The following MAGI3 variants were observed in gnomAD, a reference collection of about 807,000 sequenced individuals.
MAGI3 encodes the protein membrane-associated guanylate kinase, WW and PDZ domain-containing protein 3.
A neutral mutation model predicts 121.8 loss-of-function variants in MAGI3; 43 were observed. The observed-to-expected ratio is 0.35, with a 90% CI of 0.28 to 0.46. The LOEUF (loss-of-function observed/expected upper bound fraction) is 0.46. MAGI3 is among the 20% of genes least tolerant of loss of function. The probability of loss-of-function intolerance (pLI) is 1.00; values close to 1 mark genes in which losing one functional copy is unlikely to be tolerated. For synonymous variants in MAGI3, 553 were observed against 639.3 expected (o/e 0.86, Z 2.04); for missense variants, 1,547 against 1,797.3 (o/e 0.86, Z 2.52).
chr1:113,518,652 T>C (rs1658040402), intron 1 of MAGI3, among the ~76,000 whole-genome samples: 1 of 152,156 alleles, frequency 6.6e-6, no homozygotes, highest in Non-Finnish European at 1.5e-5. Context: ...GATGCGCCTA[T>C]TCTTTCTATA....
chr1:113,423,544 T>A (rs2101390746), intron 1 of MAGI3, among the ~76,000 whole-genome samples: 1 of 152,284 alleles, frequency 6.6e-6, no homozygotes, highest in East Asian at 1.9e-4. Context: ...GTGCTGGGAT[T>A]ACAGGCGTGA....
chr1:113,442,745 G>T (rs1337812140), intron 1 of MAGI3, among the ~76,000 whole-genome samples: 1 of 151,946 alleles, frequency 6.6e-6, no homozygotes, highest in Non-Finnish European at 1.5e-5. Flanking sequence ...GAGTTGCTGG[G>T]ATTACAAGCT....
intron 1 of MAGI3, among the ~76,000 whole-genome samples, chr1:113,401,916 T>C (rs1039526452): frequency 1.4e-4 from 21 of 152,310 alleles, no homozygotes; most frequent in Non-Finnish European, 1.5e-5. Context: ...AGGTTGTGGA[T>C]TGTTGGAACC....
At chr1:113,439,053 A>G (rs1053222275) in intron 1 of MAGI3, among the ~76,000 whole-genome samples, 20 of 152,208 alleles carry the variant, frequency 1.3e-4, no homozygotes, top group African/African-American at 4.3e-4. Flanking sequence ...ATTAAATAAA[A>G]TGAGGATTAC....
chr1:113,416,385 T>A (rs1268203680), intron 1 of MAGI3, among the ~76,000 whole-genome samples: 2 of 111,912 alleles, frequency 1.8e-5, no homozygotes, highest in East Asian at 2.8e-4. Flanking sequence ...ATATTAATAA[T>A]ATATATTAAT....
chr1:113,602,217 T>TAAA (rs1557846417), intron 6 of MAGI3, among the ~76,000 whole-genome samples: 1 of 151,934 alleles, frequency 6.6e-6, no homozygotes, highest in Non-Finnish European at 1.5e-5. Flanking sequence ...AAACTTAAAG[T>TAAA]ATAATAATAA....
At chr1:113,458,535 G>A (rs900004609) in intron 1 of MAGI3, among the ~76,000 whole-genome samples, 7 of 152,078 alleles carry the variant, frequency 4.6e-5, no homozygotes, top group African/African-American at 1.7e-4. Context: ...TTTGGAGACA[G>A]TATCTCACTC....
chr1:113,405,567 C>T (rs1022879530), intron 1 of MAGI3, among the ~76,000 whole-genome samples: 2 of 143,146 alleles, frequency 1.4e-5, no homozygotes, highest in Admixed American at 7.1e-5. Context: ...TAATATTTTT[C>T]ATGTATAAAC....
At chr1:113,585,173 G>A (rs1432066658) in intron 3 of MAGI3, among the ~76,000 whole-genome samples, 1 of 151,644 alleles carries the variant, frequency 6.6e-6, no homozygotes, top group Admixed American at 6.6e-5. Context: ...TTGCCGTGTT[G>A]GCCAAGCTGA....
chr1:113,412,502 G>A (rs1026364077), intron 1 of MAGI3, among the ~76,000 whole-genome samples: 9 of 152,142 alleles, frequency 5.9e-5, no homozygotes, highest in Non-Finnish European at 1.2e-4. Context: ...GTGTAAAAGT[G>A]TTCCTATTTA....
intron 1 of MAGI3, among the ~76,000 whole-genome samples, chr1:113,436,220 C>T (rs905283223): frequency 6.6e-6 from 1 of 152,058 alleles, no homozygotes; most frequent in Non-Finnish European, 1.5e-5. Flanking sequence ...CATTAATTTA[C>T]AATTAATCTC....
Position 113,391,097 on chromosome 1 carries a change from T to C in MAGI3, c.64T>C (p.Trp22Arg). Residue 22 changes from tryptophan to arginine, a missense_variant, in exon 1 of 21, where the codon TGG (tryptophan) becomes CGG (arginine). Transcript: ENST00000307546. The surrounding 1 kb of genome is among the most constrained non-coding windows in gnomAD (Gnocchi z 4.4). ...CAAGGTGCAGGAGTGCGCCGTGTCCTGGGCCGGGCCCCCGGGCGACTTCGG... is the reference window on the plus strand; with the variant it reads ...CAAGGTGCAGGAGTGCGCCGTGTCCCGGGCCGGGCCCCCGGGCGACTTCGG... ...LSKVQECAVS[W>R]AGPPGDFGAE... 1.3e-6 allele frequency: 2 copies of C among 1,587,048 alleles called. No homozygotes were observed. The highest frequency in any genetic ancestry group is 1.7e-6 in the Non-Finnish European group (2 of 1,167,464).
chr1:113,592,025 C>CT (rs1648719962), intron 5 of MAGI3, among the ~76,000 whole-genome samples: 1 of 151,924 alleles, frequency 6.6e-6, no homozygotes, highest in Non-Finnish European at 1.5e-5. Context: ...TTGCCAAGGG[C>CT]TTTTTAGATA....
At chr1:113,412,818 T>G (rs1247781687) in intron 1 of MAGI3, among the ~76,000 whole-genome samples, 3 of 152,190 alleles carry the variant, frequency 2.0e-5, no homozygotes, top group African/African-American at 7.2e-5. Context: ...TTTCTCCCAT[T>G]CTGTAGGTTG....
chr1:113,671,508 A>G (rs1647548917), intron 16 of MAGI3, among the ~76,000 whole-genome samples: 1 of 152,246 alleles, frequency 6.6e-6, no homozygotes, highest in African/African-American at 2.4e-5. Context: ...AAATGGGGAC[A>G]TAATATGATT....
At chr1:113,608,994 A>G (rs1161911080) in intron 6 of MAGI3, among the ~76,000 whole-genome samples, 1 of 152,176 alleles carries the variant, frequency 6.6e-6, no homozygotes, top group Non-Finnish European at 1.5e-5. Context: ...GTATTCTGGG[A>G]ATGTTTGAAA....
intron 1 of MAGI3, among the ~76,000 whole-genome samples, chr1:113,540,563 T>G (rs370799830): frequency 1.3e-5 from 2 of 152,272 alleles, no homozygotes; most frequent in South Asian, 4.1e-4. Flanking sequence ...CTAGTTAGAG[T>G]AGACACAAAA....
chr1:113,544,005 A>G (rs1659413323), intron 1 of MAGI3, among the ~76,000 whole-genome samples: 1 of 152,232 alleles, frequency 6.6e-6, no homozygotes, highest in South Asian at 2.1e-4. Context: ...TAGGTTTAAC[A>G]ATGTATATGG....
At chr1:113,440,711 T>C (rs951469346) in intron 1 of MAGI3, among the ~76,000 whole-genome samples, 7 of 152,184 alleles carry the variant, frequency 4.6e-5, no homozygotes, top group Admixed American at 4.6e-4. Context: ...AAGTGTCTTG[T>C]ACAGTTCTGG....
Sources: gnomAD v4.1 joint callset for allele counts (sites outside exome capture counted in the v4.1 genomes callset) on GRCh38, gnomAD v4.1.1 for gene constraint, Gnocchi (gnomAD v3.1) non-coding constraint, MANE v1.5 for transcripts, NCBI Gene and HGNC (gene_info 2026-07-23, HGNC 2026-07-21) for gene names.